The following DUSP16 variants were observed in gnomAD, a reference collection of about 807,000 sequenced individuals.
DUSP16 encodes the protein dual specificity protein phosphatase 16.
Under a neutral mutation model 58.3 loss-of-function variants are expected in DUSP16, and 21 were observed. That is an observed-to-expected ratio of 0.36 (90% CI 0.26 to 0.52). DUSP16 has a LOEUF of 0.52. Ranked by LOEUF, DUSP16 falls within the 20% of genes least tolerant of loss-of-function variation. The pLI, the probability that DUSP16 is intolerant of heterozygous loss-of-function variation, is 0.94. For missense variants in DUSP16, 726 were observed against 819.0 expected (o/e 0.89, Z 1.39); for synonymous variants, 320 against 323.8 (o/e 0.99, Z 0.12).
chr12:12,501,790 G>A (rs1365166029), intron 3 of DUSP16, among the ~76,000 whole-genome samples: 2 of 152,070 alleles, frequency 1.3e-5, no homozygotes, highest in African/African-American at 2.4e-5. Flanking sequence ...TCAGGGGTTC[G>A]AGACCAGCCT....
intron 1 of DUSP16, among the ~76,000 whole-genome samples, chr12:12,534,898 T>C (rs1369501464): frequency 6.6e-6 from 1 of 152,222 alleles, no homozygotes; most frequent in African/African-American, 2.4e-5. Flanking sequence ...GTAAAGATCA[T>C]CAATTCAATA....
At chr12:12,496,939 A>G (rs1464040459) in intron 4 of DUSP16, among the ~76,000 whole-genome samples, 2 of 152,216 alleles carry the variant, frequency 1.3e-5, no homozygotes, top group Non-Finnish European at 2.9e-5. Flanking sequence ...TGTCTTTAAA[A>G]CATCAGTAAA....
At chr12:12,540,351 T>TA (rs1025601873) in intron 1 of DUSP16, among the ~76,000 whole-genome samples, 1 of 151,924 alleles carries the variant, frequency 6.6e-6, no homozygotes. Flanking sequence ...AAATATAAAT[T>TA]AAAAAAATTT....
intron 3 of DUSP16, among the ~76,000 whole-genome samples, chr12:12,517,687 C>A (rs1457497409): frequency 2.6e-5 from 4 of 152,230 alleles, no homozygotes; most frequent in Non-Finnish European, 5.9e-5. Context: ...AGAAATCCAG[C>A]TGCTCAGAAA....
At position 12,476,992 on chromosome 12, in the gene DUSP16, C is replaced by T. The variant is rs1324144298; in HGVS notation, c.1839G>A (p.Trp613Ter). ...GCTTTTCAAAGGGGCTCTCTTCATG[C>T]CAGCTCCGCCGCGAGTCAGCTCTGT... The part of the protein sequence containing the change: ...PSDRADSRRS[W>*]HEESPFEKQF... Residue 613 changes from tryptophan (W) to a stop codon, truncating the protein, a stop_gained, in exon 7 of 7, where the codon TGG becomes TGA. Transcript: ENST00000298573. LOFTEE classifies it high-confidence loss of function. 1 of 1,614,242 alleles carries T rather than the reference C, an allele frequency of 6.2e-7. No homozygotes were observed. Among genetic ancestry groups the T allele is most frequent in the Non-Finnish European group, 8.5e-7 (1 of 1,180,052 alleles).
intron 6 of DUSP16, among the ~76,000 whole-genome samples, chr12:12,479,927 A>C: frequency 6.6e-6 from 1 of 152,244 alleles, no homozygotes; most frequent in Non-Finnish European, 1.5e-5. Context: ...TTTTGCATTT[A>C]GGGAAAGCAA....
At chr12:12,478,284 G>C (rs1565970186) in intron 6 of DUSP16, among the ~76,000 whole-genome samples, 1 of 151,920 alleles carries the variant, frequency 6.6e-6, no homozygotes, top group Non-Finnish European at 1.5e-5. Flanking sequence ...CAAAGGCCCA[G>C]GGCTCCCAAT....
At chr12:12,528,774 G>A (rs928823084) in intron 1 of DUSP16, among the ~76,000 whole-genome samples, 6 of 152,106 alleles carry the variant, frequency 3.9e-5, no homozygotes, top group Non-Finnish European at 5.9e-5. Context: ...TGGGGGACAC[G>A]ATCAACAACA....
intron 4 of DUSP16, among the ~76,000 whole-genome samples, chr12:12,488,168 A>G (rs781155214): frequency 1.1e-4 from 17 of 152,016 alleles, no homozygotes; most frequent in Admixed American, 2.0e-4. Flanking sequence ...AGCACCCCCA[A>G]CGTCAAATGT....
chr12:12,483,730 C>T (rs547892028), intron 5 of DUSP16, among the ~76,000 whole-genome samples: 2 of 152,192 alleles, frequency 1.3e-5, no homozygotes, highest in East Asian at 3.9e-4. Flanking sequence ...TCATGAGTAT[C>T]CCATAGCACA....
intron 3 of DUSP16, among the ~76,000 whole-genome samples, 183 bp downstream of exon 3, chr12:12,519,679 C>T: frequency 6.6e-6 from 1 of 152,126 alleles, no homozygotes; most frequent in Non-Finnish European, 1.5e-5. Flanking sequence ...ATACACTGAC[C>T]TATGTGGAAG....
At chr12:12,525,729 T>TACACACAC (rs1214393933) in intron 1 of DUSP16, among the ~76,000 whole-genome samples, 1 of 106,488 alleles carries the variant, frequency 9.4e-6, no homozygotes, top group Non-Finnish European at 2.1e-5. Context: ...AAAATATATG[T>TACACACAC]ATACACACAC....
chr12:12,479,477 G>A (rs1943521501), intron 6 of DUSP16, among the ~76,000 whole-genome samples: 1 of 152,194 alleles, frequency 6.6e-6, no homozygotes, highest in South Asian at 2.1e-4. Context: ...AGCTCGTGCA[G>A]ATGACCAGAG....
At chr12:12,517,586 C>T (rs769362143) in intron 3 of DUSP16, among the ~76,000 whole-genome samples, 5 of 152,156 alleles carry the variant, frequency 3.3e-5, no homozygotes, top group Admixed American at 6.5e-5. Flanking sequence ...CCTACCCTGA[C>T]GAAAAAATTC....
At chr12:12,546,314 G>A (rs1320133075) in intron 1 of DUSP16, among the ~76,000 whole-genome samples, 1 of 152,142 alleles carries the variant, frequency 6.6e-6, no homozygotes, top group African/African-American at 2.4e-5. Context: ...ATGCTCAGAG[G>A]GATGGATGGT....
intron 1 of DUSP16, among the ~76,000 whole-genome samples, chr12:12,528,195 C>T (rs1357962786): frequency 6.6e-6 from 1 of 152,132 alleles, no homozygotes; most frequent in African/African-American, 2.4e-5. Flanking sequence ...TTTCCCTCTG[C>T]CACCCATGTA....
intron 1 of DUSP16, among the ~76,000 whole-genome samples, chr12:12,531,700 GTC>G (rs1944388026): frequency 6.6e-6 from 1 of 152,062 alleles, no homozygotes; most frequent in African/African-American, 2.4e-5. Context: ...GCGAAACCCC[GTC>G]TCTACTAAAA....
chr12:12,509,704 A>G (rs1944048030), intron 3 of DUSP16, among the ~76,000 whole-genome samples: 1 of 152,236 alleles, frequency 6.6e-6, no homozygotes, highest in African/African-American at 2.4e-5. Context: ...AGCATTTAGC[A>G]TAGTGCCTGG....
chr12:12,536,686 A>G (rs1195734522), intron 1 of DUSP16, among the ~76,000 whole-genome samples: 1 of 150,638 alleles, frequency 6.6e-6, no homozygotes, highest in Non-Finnish European at 1.5e-5. Context: ...CAGAGGTCGC[A>G]GTGAGCCAAG....
Sources: gnomAD v4.1 joint callset for allele counts (sites outside exome capture counted in the v4.1 genomes callset) on GRCh38, gnomAD v4.1.1 for gene constraint, MANE v1.5 for transcripts, NCBI Gene and HGNC (gene_info 2026-07-23, HGNC 2026-07-21) for gene names.